ITPR1: variants seen among roughly 807,000 people sequenced by gnomAD.
The protein encoded by ITPR1 is inositol 1,4,5-trisphosphate receptor type 1, also known as inositol 1,4,5-trisphosphate-gated calcium channel ITPR1.
A neutral mutation model predicts 318.4 loss-of-function variants in ITPR1; 96 were observed. That is an observed-to-expected ratio of 0.30 (90% CI 0.26 to 0.36). The LOEUF (loss-of-function observed/expected upper bound fraction) is 0.36. Ranked by LOEUF, ITPR1 falls within the 10% of genes least tolerant of loss-of-function variation. ITPR1 has a pLI of 1.00. For missense variants in ITPR1, 2,440 were observed against 3,460.2 expected (o/e 0.71, Z 7.40); for synonymous variants, 1,312 against 1,289.9 (o/e 1.02, Z -0.37).
At chr3:4,709,704 C>T (rs1341283353) in intron 37 of ITPR1, among the ~76,000 whole-genome samples, 2 of 152,136 alleles carry the variant, frequency 1.3e-5, no homozygotes, top group African/African-American at 4.8e-5. Flanking sequence ...ATGTGTTTTG[C>T]ATTTGAAGAC....
chr3:4,793,629 A>C (rs1436835509), intron 52 of ITPR1, among the ~76,000 whole-genome samples: 1 of 152,222 alleles, frequency 6.6e-6, no homozygotes, highest in Non-Finnish European at 1.5e-5. Context: ...ATTGCTACGT[A>C]GTGGTTGACT....
At chr3:4,598,070 A>G (rs2090989106) in intron 4 of ITPR1, among the ~76,000 whole-genome samples, 1 of 152,226 alleles carries the variant, frequency 6.6e-6, no homozygotes, top group African/African-American at 2.4e-5. Flanking sequence ...GGCACATGGC[A>G]TGGGCCTTTA....
chr3:4,715,938 C>G (rs1459372094), intron 39 of ITPR1, among the ~76,000 whole-genome samples: 1 of 152,118 alleles, frequency 6.6e-6, no homozygotes. Flanking sequence ...ATCATGACCA[C>G]TTAGGAATAA....
At chr3:4,516,395 C>G in intron 2 of ITPR1, 81 bp from the exon 3 acceptor site, 1 of 721,382 alleles carries the variant, frequency 1.4e-6, no homozygotes, top group Non-Finnish European at 2.3e-6. Flanking sequence ...GAAAATTGAG[C>G]TAAGCCAACT....
intron 2 of ITPR1, among the ~76,000 whole-genome samples, chr3:4,494,790 C>T (rs960654223): frequency 2.0e-5 from 3 of 152,100 alleles, no homozygotes; most frequent in Non-Finnish European, 2.9e-5. Flanking sequence ...GGCCCATTGC[C>T]GGTCTGAAAA....
At chr3:4,609,091 C>CAT (rs2091924855) in intron 4 of ITPR1, among the ~76,000 whole-genome samples, 4 of 41,238 alleles carry the variant, frequency 9.7e-5, no homozygotes, top group African/African-American at 1.3e-4. Flanking sequence ...TATATATATA[C>CAT]ACACACACGT....
intron 15 of ITPR1, among the ~76,000 whole-genome samples, chr3:4,662,677 C>T (rs996332062): frequency 7.9e-5 from 12 of 152,136 alleles, no homozygotes; most frequent in Admixed American, 7.9e-4. Flanking sequence ...GAGCCAAGAT[C>T]ATACCACTGC....
At chr3:4,638,655 G>T (rs1483710312) in intron 5 of ITPR1, among the ~76,000 whole-genome samples, 1 of 152,162 alleles carries the variant, frequency 6.6e-6, no homozygotes, top group African/African-American at 2.4e-5. Flanking sequence ...ACACAGAAGT[G>T]GAGAAAGGGT....
chr3:4,778,714 T>C (rs1029463778), intron 48 of ITPR1, among the ~76,000 whole-genome samples: 1 of 152,202 alleles, frequency 6.6e-6, no homozygotes, highest in African/African-American at 2.4e-5. Context: ...TGAGTGACTT[T>C]TTCAACTAAT....
intron 55 of ITPR1, among the ~76,000 whole-genome samples, chr3:4,809,741 T>G (rs1433575085): frequency 1.3e-5 from 2 of 152,218 alleles, no homozygotes; most frequent in Admixed American, 6.5e-5. Context: ...AAATCGCTTG[T>G]CATTTCTATG....
At chr3:4,730,414 TGTG>T (rs756688935) in intron 42 of ITPR1, among the ~76,000 whole-genome samples, 1 of 135,754 alleles carries the variant, frequency 7.4e-6, no homozygotes, top group Admixed American at 7.2e-5. Flanking sequence ...TGTGTGTGTG[TGTG>T]TGTTTCCCCC....
intron 4 of ITPR1, among the ~76,000 whole-genome samples, chr3:4,564,925 G>A (rs113385412): frequency 1.3e-5 from 2 of 152,154 alleles, no homozygotes; most frequent in African/African-American, 2.4e-5. Flanking sequence ...CAATGGGGAC[G>A]CAGTTCAGTT....
intron 17 of ITPR1, among the ~76,000 whole-genome samples, chr3:4,666,803 T>C (rs557157160): frequency 1.3e-5 from 2 of 152,360 alleles, no homozygotes; most frequent in South Asian, 4.1e-4. Context: ...TGGAATGTGA[T>C]AGCTGATCCC....
intron 4 of ITPR1, among the ~76,000 whole-genome samples, chr3:4,568,135 C>T (rs1406880386): frequency 6.6e-6 from 1 of 152,058 alleles, no homozygotes; most frequent in Non-Finnish European, 1.5e-5. Context: ...CATAGTTGGG[C>T]CCTGGAGGCC....
At chr3:4,713,648 C>G (rs1177200491) in intron 39 of ITPR1, among the ~76,000 whole-genome samples, 1 of 152,154 alleles carries the variant, frequency 6.6e-6, no homozygotes, top group African/African-American at 2.4e-5. Flanking sequence ...TGTTATAAAG[C>G]TCATGGAGAA....
chr3:4,567,572 G>A lies in ITPR1; in HGVS notation c.163+46478G>A, dbSNP rs566180672. Among the ~76,000 whole-genome samples, 5 of 151,644 alleles carry A rather than the reference G, an allele frequency of 3.3e-5. No individual in the cohort carries two copies. The South Asian group carries it at 1.1e-3, about 32-fold the overall frequency. ...CTTGGGGGCTGAGGTGGGTCATGGA[G>A]GGCTTTATAGGGGAGGTGACGCTTG... On this transcript the variant is annotated intron_variant, in intron 4 of 61. Coordinates refer to ENST00000649015, the MANE Select transcript of ITPR1 (RefSeq NM_001378452.1).
intron 39 of ITPR1, among the ~76,000 whole-genome samples, chr3:4,712,521 C>T (rs190878134): frequency 1.3e-5 from 2 of 152,324 alleles, no homozygotes; most frequent in Admixed American, 1.3e-4. Context: ...AAATCTCACT[C>T]ATTTTCATTT....
intron 4 of ITPR1, among the ~76,000 whole-genome samples, chr3:4,609,089 T>TATATATATATATATATATATATAC (rs1171860541): frequency 2.2e-5 from 2 of 91,936 alleles, no homozygotes; most frequent in African/African-American, 3.8e-5. Context: ...TATATATATA[T>TATATATATATATATATATATATAC]ACACACACAC....
intron 44 of ITPR1, among the ~76,000 whole-genome samples, chr3:4,745,334 A>G (rs1223689949): frequency 6.6e-6 from 1 of 152,018 alleles, no homozygotes; most frequent in Non-Finnish European, 1.5e-5. Flanking sequence ...TTCAACACAG[A>G]TTCGGGACGC....
Sources: allele counts gnomAD v4.1 joint callset (sites outside exome capture counted in the v4.1 genomes callset), GRCh38; gene constraint gnomAD v4.1.1; transcripts MANE v1.5; gene names NCBI Gene and HGNC (gene_info 2026-07-23, HGNC 2026-07-21).